Variants in LRBA observed in about 807,000 individuals in gnomAD.
LRBA encodes lipopolysaccharide-responsive and beige-like anchor protein.
A neutral mutation model predicts 330.0 loss-of-function variants in LRBA; 176 were observed. The ratio of observed to expected loss-of-function variants is 0.53; its 90% CI spans 0.47 to 0.60. The LOEUF (loss-of-function observed/expected upper bound fraction) is 0.60. Ranked by LOEUF, LRBA falls within the 20% of genes least tolerant of loss-of-function variation. LRBA has a pLI of 0.00. For synonymous variants in LRBA, 1,230 were observed against 1,193.0 expected (o/e 1.03, Z -0.64); for missense variants, 3,259 against 3,444.8 (o/e 0.95, Z 1.35).
At chr4:150,651,410 T>G (rs925946892) in intron 37 of LRBA, among the ~76,000 whole-genome samples, 3 of 152,190 alleles carry the variant, frequency 2.0e-5, no homozygotes, top group African/African-American at 7.2e-5. Flanking sequence ...TAAGTATTAA[T>G]TGAAGAAATA....
At chr4:150,661,195 G>A (rs997227038) in intron 37 of LRBA, among the ~76,000 whole-genome samples, 1 of 151,376 alleles carries the variant, frequency 6.6e-6, no homozygotes, top group Non-Finnish European at 1.5e-5. Context: ...CAGAGGCCAG[G>A]CATGGTGGCT....
chr4:150,584,169 C>T (rs1379121230), intron 40 of LRBA: 2 of 1,460,210 alleles, frequency 1.4e-6, no homozygotes, highest in Admixed American at 2.6e-5. Flanking sequence ...ACACACAACT[C>T]TGCTATAAAC....
chr4:150,454,321 A>G (rs963137485), intron 44 of LRBA, among the ~76,000 whole-genome samples: 6 of 152,096 alleles, frequency 3.9e-5, no homozygotes, highest in African/African-American at 1.2e-4. Context: ...ATATTAGTGA[A>G]ACTGCTGAAC....
At chr4:150,902,435 G>A (rs1051423741) in intron 13 of LRBA, among the ~76,000 whole-genome samples, 5 of 152,106 alleles carry the variant, frequency 3.3e-5, no homozygotes, top group South Asian at 2.1e-4. Context: ...TGGAGGCAGC[G>A]AACCTAAGGA....
rs559200926 is a variant in LRBA at position 150,430,469 on chromosome 4, C to T, written c.7041+5120G>A. On this transcript the variant is annotated intron_variant, in intron 46 of 56. Transcript: ENST00000651943. ...TCCTCTTCCTTCTCTTCATTTCAGA[C>T]GCTGTATCCATGAGCCCAAGGGGCA... Among the ~76,000 whole-genome samples, 16 of 152,184 alleles carry T rather than the reference C, an allele frequency of 1.1e-4. No homozygotes were observed. The South Asian group carries it at 1.5e-3, about 14-fold the overall frequency.
intron 46 of LRBA, among the ~76,000 whole-genome samples, chr4:150,430,905 T>C (rs1254176150): frequency 1.3e-5 from 2 of 152,074 alleles, no homozygotes; most frequent in Non-Finnish European, 2.9e-5. Context: ...TAATTTAAAC[T>C]GCAGCAAGTC....
intron 42 of LRBA, among the ~76,000 whole-genome samples, chr4:150,483,300 A>T (rs1453684427): frequency 6.6e-6 from 1 of 151,978 alleles, no homozygotes; most frequent in Middle Eastern, 3.2e-3. Context: ...AATTGATCAT[A>T]TATGTTTGAG....
At chr4:150,378,549 A>G (rs1307077205) in intron 47 of LRBA, among the ~76,000 whole-genome samples, 4 of 152,254 alleles carry the variant, frequency 2.6e-5, no homozygotes, top group African/African-American at 7.2e-5. Context: ...CAGATACTAA[A>G]AACAACTTCA....
At chr4:150,623,941 G>C (rs1776570316) in intron 37 of LRBA, among the ~76,000 whole-genome samples, 1 of 151,924 alleles carries the variant, frequency 6.6e-6, no homozygotes, top group African/African-American at 2.4e-5. Context: ...GTGCCATGCT[G>C]GTGTGCCACA....
intron 40 of LRBA, among the ~76,000 whole-genome samples, chr4:150,522,822 A>ATCCT (rs1763065598): frequency 6.6e-6 from 1 of 152,206 alleles, no homozygotes; most frequent in African/African-American, 2.4e-5. Flanking sequence ...ATTTTAAAGA[A>ATCCT]TCCTTCCAAG....
intron 39 of LRBA, among the ~76,000 whole-genome samples, chr4:150,589,614 A>G (rs543981012): frequency 6.6e-6 from 1 of 152,346 alleles, no homozygotes; most frequent in South Asian, 2.1e-4. Flanking sequence ...TGCAAGAGCT[A>G]GGGCAGCCTA....
chr4:150,963,474 C>T (rs1394038944), intron 2 of LRBA, among the ~76,000 whole-genome samples: 2 of 149,602 alleles, frequency 1.3e-5, no homozygotes, highest in Non-Finnish European at 2.9e-5. Context: ...GACAGAGTCT[C>T]GTTCACTCAG....
chr4:150,768,156 G>A (rs775437646), intron 34 of LRBA, among the ~76,000 whole-genome samples: 4 of 151,666 alleles, frequency 2.6e-5, no homozygotes, highest in Non-Finnish European at 5.9e-5. Flanking sequence ...ATAAAGAGGG[G>A]GCAACAGTAC....
At chr4:150,805,495 G>A (rs1305411012) in intron 33 of LRBA, among the ~76,000 whole-genome samples, 1 of 40,726 alleles carries the variant, frequency 2.5e-5, no homozygotes, top group Non-Finnish European at 6.0e-5. Context: ...AAGGAAAGGA[G>A]AAGGAGGAGA....
chr4:150,995,368 C>T (rs1459826855), intron 2 of LRBA, among the ~76,000 whole-genome samples: 2 of 151,438 alleles, frequency 1.3e-5, no homozygotes, highest in Non-Finnish European at 2.9e-5. Flanking sequence ...AAAAAGCCCC[C>T]AAGAATCAGC....
chr4:150,444,004 TAA>T (rs1752252609), intron 44 of LRBA, among the ~76,000 whole-genome samples: 1 of 151,004 alleles, frequency 6.6e-6, no homozygotes, highest in South Asian at 2.1e-4. Context: ...AGCTTTAGAT[TAA>T]ATGCTCTTTT....
At chr4:150,947,210 C>A (rs1579286813) in intron 2 of LRBA, among the ~76,000 whole-genome samples, 1 of 148,974 alleles carries the variant, frequency 6.7e-6, no homozygotes. Context: ...TTACTAAAAC[C>A]AGACAAAGAC....
intron 37 of LRBA, among the ~76,000 whole-genome samples, chr4:150,600,786 T>C (rs1774035761): frequency 6.6e-6 from 1 of 152,202 alleles, no homozygotes. Context: ...ACAGTTGTTT[T>C]AACTCAATTA....
At chr4:150,496,287 C>T (rs1759584084) in intron 40 of LRBA, among the ~76,000 whole-genome samples, 1 of 151,990 alleles carries the variant, frequency 6.6e-6, no homozygotes, top group African/African-American at 2.4e-5. Flanking sequence ...TTTCCCTTTA[C>T]CAGTCCATTT....
Sources: allele counts gnomAD v4.1 joint callset (sites outside exome capture counted in the v4.1 genomes callset), GRCh38; gene constraint gnomAD v4.1.1; transcripts MANE v1.5; gene names NCBI Gene and HGNC (gene_info 2026-07-23, HGNC 2026-07-21).